The following ASAP1 variants were observed in gnomAD, a reference collection of about 807,000 sequenced individuals.
The protein encoded by ASAP1 is arf-GAP with SH3 domain, ANK repeat and PH domain-containing protein 1.
In ASAP1, 43 loss-of-function variants were observed where a neutral mutation model predicts 145.2. The ratio of observed to expected loss-of-function variants is 0.30; its 90% CI spans 0.23 to 0.38. The LOEUF (loss-of-function observed/expected upper bound fraction) is 0.38, where lower values mean the gene tolerates loss of function less well. ASAP1 is among the 10% of genes least tolerant of loss of function. The pLI, the probability that ASAP1 is intolerant of heterozygous loss-of-function variation, is 1.00. For synonymous variants in ASAP1, 546 were observed against 515.5 expected (o/e 1.06, Z -0.80); for missense variants, 1,018 against 1,355.3 (o/e 0.75, Z 3.91).
intron 2 of ASAP1, among the ~76,000 whole-genome samples, chr8:130,360,537 G>A (rs1826663078): frequency 6.6e-6 from 1 of 152,228 alleles, no homozygotes; most frequent in Non-Finnish European, 1.5e-5. Context: ...AAGAGGCCAT[G>A]CTTCAGCTAA....
chr8:130,334,256 TAAC>T (rs1824892539), intron 3 of ASAP1, among the ~76,000 whole-genome samples: 3 of 152,114 alleles, frequency 2.0e-5, no homozygotes, highest in South Asian at 4.1e-4. Flanking sequence ...GATTTTCAGG[TAAC>T]AACAACAACA....
intron 3 of ASAP1, among the ~76,000 whole-genome samples, chr8:130,354,409 C>T (rs1268988181): frequency 1.3e-5 from 2 of 152,142 alleles, no homozygotes; most frequent in African/African-American, 4.8e-5. Context: ...CAGAACTTGC[C>T]TCCTTCATTG....
intron 28 of ASAP1, among the ~76,000 whole-genome samples, chr8:130,059,681 A>G (rs933032178): frequency 1.3e-5 from 2 of 152,250 alleles, no homozygotes; most frequent in African/African-American, 4.8e-5. Flanking sequence ...CATTTCATGA[A>G]AATGACAGAA....
rs574555048 is a variant in ASAP1 at position 130,338,992 on chromosome 8, A to AG, written c.186+19024dup. Among the ~76,000 whole-genome samples the AG allele has an allele frequency of 8.0e-4, 122 of 152,362 alleles. 2 individuals carry two copies. In the South Asian group the frequency reaches 0.023, roughly 29 times the overall value. On this transcript the variant is annotated intron_variant, in intron 3 of 29. Transcript: ENST00000518721. ...TAACAAAAGCACCTGGGCACTAATG[A>AG]GCAGCTTATTCCCCACCTAAGAAGT...
chr8:130,407,797 G>A (rs1335618039), intron 1 of ASAP1, among the ~76,000 whole-genome samples: 5 of 152,138 alleles, frequency 3.3e-5, no homozygotes, highest in South Asian at 2.1e-4. Flanking sequence ...CCTCAAATAG[G>A]TGTTTTTTAT....
intron 13 of ASAP1, among the ~76,000 whole-genome samples, chr8:130,143,495 T>C (rs1362779776): frequency 1.3e-5 from 2 of 151,820 alleles, no homozygotes; most frequent in East Asian, 3.9e-4. Context: ...TATACACAGA[T>C]GTCTTCATTT....
At chr8:130,292,380 T>C (rs1026256545) in intron 3 of ASAP1, among the ~76,000 whole-genome samples, 27 of 152,156 alleles carry the variant, frequency 1.8e-4, no homozygotes, top group African/African-American at 6.5e-4. Flanking sequence ...GAATAAAATA[T>C]GAATGAGGAA....
Position 130,127,776 on chromosome 8 carries a change from C to T in ASAP1, c.1381+151G>A, listed in dbSNP as rs941456084. ...AACAGCATAGGTAAAAGCAGCTCAG[C>T]GGTAGGAAAAATCACGTTGGGAATA... On this transcript the variant is annotated intron_variant, in intron 16 of 29. Coordinates refer to ENST00000518721, the MANE Select transcript of ASAP1 (RefSeq NM_018482.4). 5.6e-5 allele frequency: 50 copies of T among 897,786 alleles called. No individual in the cohort carries two copies. In the East Asian group the frequency reaches 9.9e-4, roughly 18 times the overall value. 55.6% of individuals were successfully genotyped at this position (897,786 alleles called of 1,614,324 possible). A position where few individuals can be genotyped will look rare whatever the true frequency, so the allele number is the denominator to read the frequency against.
At chr8:130,104,475 T>C (rs957518741) in intron 24 of ASAP1, among the ~76,000 whole-genome samples, 1 of 152,206 alleles carries the variant, frequency 6.6e-6, no homozygotes, top group Non-Finnish European at 1.5e-5. Context: ...GCAACTCTTT[T>C]AAAAAGTTCT....
chr8:130,235,829 G>A (rs1037096105), intron 4 of ASAP1, among the ~76,000 whole-genome samples: 7 of 152,126 alleles, frequency 4.6e-5, no homozygotes, highest in Non-Finnish European at 8.8e-5. Context: ...AGGCCATAAA[G>A]TACCTGAGGG....
intron 29 of ASAP1, 67 bp downstream of exon 29, chr8:130,057,887 C>T: frequency 1.3e-6 from 2 of 1,596,116 alleles, no homozygotes; most frequent in Admixed American, 1.7e-5. Context: ...CTGTAGGCTC[C>T]AATGTGGTGC....
intron 13 of ASAP1, among the ~76,000 whole-genome samples, chr8:130,139,547 G>T (rs1025295411): frequency 6.6e-6 from 1 of 151,322 alleles, no homozygotes; most frequent in East Asian, 1.9e-4. Context: ...CCAACGTGGC[G>T]AAACCCCGTT....
chr8:130,373,109 TATACACAC>T (rs1401166613), intron 2 of ASAP1, among the ~76,000 whole-genome samples: 1,504 of 127,652 alleles, frequency 0.012, 56 homozygotes, highest in African/African-American at 0.036. Flanking sequence ...CAGAAATACA[TATACACAC>T]ACACACACAC....
intron 24 of ASAP1, among the ~76,000 whole-genome samples, chr8:130,094,119 T>C (rs1326723475): frequency 6.6e-6 from 1 of 152,182 alleles, no homozygotes; most frequent in African/African-American, 2.4e-5. Flanking sequence ...AATACAGAGA[T>C]TGTTATTATG....
intron 3 of ASAP1, among the ~76,000 whole-genome samples, chr8:130,357,612 C>G (rs1446501232): frequency 6.6e-6 from 1 of 152,262 alleles, no homozygotes; most frequent in African/African-American, 2.4e-5. Flanking sequence ...TGCCCATCTC[C>G]TAGTCCCTTG....
chr8:130,195,248 T>C, intron 5 of ASAP1: 1 of 152,008 alleles, frequency 6.6e-6, no homozygotes, highest in African/African-American at 2.4e-5. Context: ...TTTAAAATCA[T>C]TTCAGGACGA....
chr8:130,279,913 A>G (rs1297901379), intron 3 of ASAP1, among the ~76,000 whole-genome samples: 1 of 152,176 alleles, frequency 6.6e-6, no homozygotes. Context: ...CTACAACTAA[A>G]AAGAGGAGAT....
In ASAP1 at chr8:130,401,961, A is replaced by C; in HGVS notation, c.-18T>G. 6.2e-7 allele frequency: 1 copy of C among 1,612,236 alleles called. No homozygotes were observed. The highest frequency in any genetic ancestry group is 8.5e-7 in the Non-Finnish European group (1 of 1,179,290). On this transcript the variant is annotated 5_prime_UTR_variant, in exon 2 of 30. Transcript: ENST00000518721. ...GATCTCATGTCTCAGCCGTCACATC[A>C]GAAAACGACCTGGATAGGGGGCAGG...
In ASAP1 at chr8:130,125,952, T is replaced by C; in HGVS notation, c.1515+4A>G. On this transcript the variant is annotated splice_donor_region_variant and intron_variant, in intron 17 of 29. Transcript: ENST00000518721. ...ATTCTTCCCAAGTACAGGTCACTACTTACCAAGAGTTCAGAAGTTCCTAAT... is the reference window on the plus strand; with the variant it reads ...ATTCTTCCCAAGTACAGGTCACTACCTACCAAGAGTTCAGAAGTTCCTAAT... The C allele has an allele frequency of 1.2e-6, 2 of 1,609,698 alleles. No homozygotes were observed. The highest frequency in any genetic ancestry group is 1.7e-6 in the Non-Finnish European group (2 of 1,178,874).
Sources: gnomAD v4.1 joint callset for allele counts (sites outside exome capture counted in the v4.1 genomes callset) on GRCh38, gnomAD v4.1.1 for gene constraint, MANE v1.5 for transcripts, NCBI Gene and HGNC (gene_info 2026-07-23, HGNC 2026-07-21) for gene names.